Variants in ZBTB41 observed in about 807,000 individuals in gnomAD.
The protein encoded by ZBTB41 is zinc finger and BTB domain-containing protein 41.
ZBTB41 carries 42 observed loss-of-function variants against 87.6 expected under a neutral mutation model. That is an observed-to-expected ratio of 0.48 (90% CI 0.37 to 0.62). The LOEUF (loss-of-function observed/expected upper bound fraction) is 0.62, where lower values mean the gene tolerates loss of function less well. Among genes scored for constraint, ZBTB41 ranks in the 20% least tolerant of loss-of-function variants. ZBTB41 has a pLI of 0.00. For synonymous variants in ZBTB41, 364 were observed against 364.0 expected (o/e 1.00, Z 0.00); for missense variants, 799 against 1,078.9 (o/e 0.74, Z 3.63).
intron 10 of ZBTB41, among the ~76,000 whole-genome samples, chr1:197,169,649 T>C (rs542467115): frequency 1.1e-3 from 165 of 152,166 alleles, no homozygotes; most frequent in African/African-American, 3.8e-3. Context: ...GATGGATTCA[T>C]TCATAAAAAT....
chr1:197,156,417 T>TA lies in ZBTB41; in HGVS notation c.*2941dup, dbSNP rs1190357538. On this transcript the variant is annotated 3_prime_UTR_variant, in exon 11 of 11. Transcript: ENST00000367405. ...AGATTAAGTGCTAACTGCTATCTGC[T>TA]AAAAAATTAATTTAAAACAATAAAT... 4 of 152,188 alleles carry TA rather than the reference T, an allele frequency of 2.6e-5. No homozygotes were observed. In the East Asian group the frequency reaches 5.8e-4, roughly 22 times the overall value. 9.4% of individuals were successfully genotyped at this position (152,188 alleles called of 1,614,324 possible). A position where few individuals can be genotyped will look rare whatever the true frequency, so the allele number is the denominator to read the frequency against.
At position 197,155,621 on chromosome 1, in the gene ZBTB41, GA is replaced by G. The variant is rs1393740965; in HGVS notation, c.*3737del. 6.6e-6 allele frequency: 1 copy of G among 152,252 alleles called. No individual in the cohort carries two copies. The highest frequency in any genetic ancestry group is 1.5e-5 in the Non-Finnish European group (1 of 67,804). 9.4% of individuals were successfully genotyped at this position (152,252 alleles called of 1,614,324 possible). A position where few individuals can be genotyped will look rare whatever the true frequency, so the allele number is the denominator to read the frequency against. On this transcript the variant is annotated 3_prime_UTR_variant, in exon 11 of 11. Transcript: ENST00000367405. ...TTTTTAATTTGTTTGCAATTATATT[GA>G]AAAGCAACCAATGATAATTACTTAT...
rs149225983 is a variant in ZBTB41 at position 197,159,915 on chromosome 1, T to C, written c.2174A>G (p.Asn725Ser). The C allele has an allele frequency of 2.6e-5, 42 of 1,613,798 alleles. No individual in the cohort carries two copies. The highest frequency in any genetic ancestry group is 3.3e-5 in the Non-Finnish European group (39 of 1,179,848). ...LVIHSDARPF[N>S]CQHCNATFKR... ...AAATGTTGCATTACAGTGCTGACAG[T>C]TGAAAGGTCGGGCATCAGAATGAAT... Residue 725 changes from asparagine to serine, a missense_variant, in exon 11 of 11, where the codon AAC becomes AGC. This residue lies in a region of ZBTB41 where 198 missense variants were observed against 358.4 expected (regional missense o/e 0.55). Coordinates refer to ENST00000367405, the MANE Select transcript of ZBTB41 (RefSeq NM_194314.3).
Position 197,168,193 on chromosome 1 carries a change from A to T in ZBTB41, c.2074+3967T>A, listed in dbSNP as rs534486474. ...TATCAAATACCTAGGCATAAATCTA[A>T]TGCAAAATGTGTAAGATAGCTACAC... On this transcript the variant is annotated intron_variant, in intron 10 of 10. Coordinates refer to ENST00000367405, the MANE Select transcript of ZBTB41 (RefSeq NM_194314.3). Among the ~76,000 whole-genome samples the T allele has an allele frequency of 6.6e-5, 10 of 152,290 alleles. No individual in the cohort carries two copies. The East Asian group carries it at 1.9e-3, about 29-fold the overall frequency.
At chr1:197,166,374 A>AG (rs1179589247) in intron 10 of ZBTB41, among the ~76,000 whole-genome samples, 2 of 152,310 alleles carry the variant, frequency 1.3e-5, no homozygotes, top group South Asian at 4.1e-4. Flanking sequence ...AATGACAAAA[A>AG]GGTTATCACT....
Position 197,155,825 on chromosome 1 carries a change from G to GC in ZBTB41, c.*3533dup, listed in dbSNP as rs1484284930. On this transcript the variant is annotated 3_prime_UTR_variant, in exon 11 of 11. Coordinates refer to ENST00000367405, the MANE Select transcript of ZBTB41 (RefSeq NM_194314.3). Reference sequence around the variant, plus strand: ...TACTCCTATTCTCCCAGCAATAAATGCCTTAATTACTTAAATGTATGCAAA... The same window carrying GC: ...TACTCCTATTCTCCCAGCAATAAATGCCCTTAATTACTTAAATGTATGCAAA... The GC allele has an allele frequency of 6.6e-6, 1 of 152,222 alleles. No individual in the cohort carries two copies. Among genetic ancestry groups the GC allele is most frequent in the African/African-American group, 2.4e-5 (1 of 41,372 alleles). The allele number at this position is 152,222 out of a possible 1,614,324, so 9.4% of individuals were successfully genotyped here.
chr1:197,190,265 T>C (rs1033303023), intron 4 of ZBTB41, among the ~76,000 whole-genome samples: 4 of 152,082 alleles, frequency 2.6e-5, no homozygotes, highest in African/African-American at 9.7e-5. Flanking sequence ...GACCAGACCA[T>C]GCACTAGTTG....
intron 2 of ZBTB41, among the ~76,000 whole-genome samples, chr1:197,195,582 G>C (rs1200309185): frequency 1.3e-5 from 2 of 152,082 alleles, no homozygotes; most frequent in African/African-American, 4.8e-5. Context: ...ATATCTGCAC[G>C]ATGGACTAGT....
intron 5 of ZBTB41, among the ~76,000 whole-genome samples, chr1:197,182,319 T>C (rs1483696079): frequency 7.1e-6 from 1 of 140,912 alleles, no homozygotes; most frequent in East Asian, 2.0e-4. Flanking sequence ...TCAGGATTCT[T>C]CAAAGAAAAT....
chr1:197,180,009 C>G (rs946555770), intron 6 of ZBTB41, among the ~76,000 whole-genome samples: 1 of 152,030 alleles, frequency 6.6e-6, no homozygotes, highest in Non-Finnish European at 1.5e-5. Context: ...ACACTAATGT[C>G]CGCGGCCTTC....
At chr1:197,186,599 C>A (rs540721104) in intron 5 of ZBTB41, among the ~76,000 whole-genome samples, 1 of 152,204 alleles carries the variant, frequency 6.6e-6, no homozygotes, top group Non-Finnish European at 1.5e-5. Flanking sequence ...TGGTGGCTCA[C>A]GCCTGTAATC....
In ZBTB41 at chr1:197,199,993, C is replaced by A; in HGVS notation, c.481G>T (p.Ala161Ser). ...YKYEIPLVLE[A>S]AKFLDIIDAV... ...TCTATAATGTCCAAAAATTTTGCAG[C>A]CTCTAAAACAAGAGGTATTTCATAT... The change falls in exon 2 of 11, where the codon GCT becomes TCT. Residue 161 changes from alanine (A) to serine (S), a missense_variant. Coordinates refer to ENST00000367405, the MANE Select transcript of ZBTB41 (RefSeq NM_194314.3). 6.2e-7 allele frequency: 1 copy of A among 1,613,270 alleles called. No individual in the cohort carries two copies. Among genetic ancestry groups the A allele is most frequent in the Non-Finnish European group, 8.5e-7 (1 of 1,179,816 alleles).
At chr1:197,175,629 C>T (rs769665420) in intron 8 of ZBTB41, among the ~76,000 whole-genome samples, 1 of 151,122 alleles carries the variant, frequency 6.6e-6, no homozygotes, top group African/African-American at 2.4e-5. Flanking sequence ...AAAAATTCTA[C>T]GTAAGTCCAA....
intron 7 of ZBTB41, among the ~76,000 whole-genome samples, chr1:197,177,266 G>A (rs1659630522): frequency 6.6e-6 from 1 of 152,102 alleles, no homozygotes; most frequent in Non-Finnish European, 1.5e-5. Context: ...AAGATCTGAT[G>A]CTTTAAAAGT....
At chr1:197,185,379 AC>A (rs1659856477) in intron 5 of ZBTB41, among the ~76,000 whole-genome samples, 1 of 152,160 alleles carries the variant, frequency 6.6e-6, no homozygotes, top group African/African-American at 2.4e-5. Context: ...AAAGTATACC[AC>A]CATCTAGACC....
intron 10 of ZBTB41, among the ~76,000 whole-genome samples, chr1:197,166,321 T>C (rs1484389732): frequency 6.6e-6 from 1 of 151,726 alleles, no homozygotes; most frequent in Non-Finnish European, 1.5e-5. Context: ...CTTAATGAAA[T>C]CAATAAATCC....
chr1:197,154,616 T>C lies in ZBTB41; in HGVS notation c.*4743A>G, dbSNP rs368856150. 1.3e-5 allele frequency: 2 copies of C among 152,174 alleles called. No homozygotes were observed. Among genetic ancestry groups the C allele is most frequent in the East Asian group, 1.9e-4 (1 of 5,182 alleles). 9.4% of individuals were successfully genotyped at this position (152,174 alleles called of 1,614,324 possible). ...AAGAGCAGAAAGCATGCTAAGATTA[T>C]AGGGAAAAGGTATCTTAAGTAAAAA... On this transcript the variant is annotated 3_prime_UTR_variant, in exon 11 of 11. Coordinates refer to ENST00000367405, the MANE Select transcript of ZBTB41 (RefSeq NM_194314.3).
chr1:197,200,117 T>C lies in ZBTB41; in HGVS notation c.357A>G (p.Lys119=). ...GGGTGACAACATCAGTGCTTGGATTTTTGCTCAAACACGCATGAAAATAAC... is the reference window on the plus strand; with the variant it reads ...GGGTGACAACATCAGTGCTTGGATTCTTGCTCAAACACGCATGAAAATAAC... ...GSSYFHACLS[K]NPSTDVVTLD... is the part of the protein sequence containing the mutation. The change falls in exon 2 of 11, where the codon AAA becomes AAG. Residue 119 remains lysine (K), a synonymous_variant. Transcript: ENST00000367405. 1 of 1,613,902 alleles carries C rather than the reference T, an allele frequency of 6.2e-7. No homozygotes were observed. Among genetic ancestry groups the C allele is most frequent in the South Asian group, 1.1e-5 (1 of 91,022 alleles).
At chr1:197,172,132 T>G in intron 10 of ZBTB41, 28 bp downstream of exon 10, 1 of 962,662 alleles carries the variant, frequency 1.0e-6, no homozygotes, top group South Asian at 2.9e-5. Context: ...TATATATATA[T>G]ATCTATGAAC....
Sources: allele counts gnomAD v4.1 joint callset (sites outside exome capture counted in the v4.1 genomes callset), GRCh38; gene constraint gnomAD v4.1.1; regional missense constraint gnomAD v4.1.1; transcripts MANE v1.5; gene names NCBI Gene and HGNC (gene_info 2026-07-23, HGNC 2026-07-21).